UBXN2A: variants seen among roughly 807,000 people sequenced by gnomAD.
The protein encoded by UBXN2A is UBX domain-containing protein 2A.
A neutral mutation model predicts 28.4 loss-of-function variants in UBXN2A; 28 were observed. That is an observed-to-expected ratio of 0.99 (90% CI 0.73 to 1.35). UBXN2A has a LOEUF of 1.35. Ranked by LOEUF, UBXN2A falls within the 40% of genes most tolerant of loss-of-function variation. The probability of loss-of-function intolerance (pLI) is 0.00; values close to 1 mark genes in which losing one functional copy is unlikely to be tolerated. For synonymous variants in UBXN2A, 97 were observed against 103.6 expected (o/e 0.94, Z 0.39); for missense variants, 253 against 297.9 (o/e 0.85, Z 1.11).
chr2:23,982,613 C>T (rs1427677372), intron 4 of UBXN2A, among the ~76,000 whole-genome samples: 2 of 152,098 alleles, frequency 1.3e-5, no homozygotes, highest in East Asian at 3.9e-4. Context: ...CTGGACAAGA[C>T]CCTGTCTCTA....
intron 2 of UBXN2A, chr2:23,968,852 C>T (rs145222566): frequency 0.011 from 1,627 of 152,174 alleles, 18 homozygotes; most frequent in Middle Eastern, 0.036. Context: ...ACCATCTTTT[C>T]CTGGCAAACA....
intron 2 of UBXN2A, among the ~76,000 whole-genome samples, chr2:23,964,906 G>A (rs1707100224): frequency 6.6e-6 from 1 of 152,152 alleles, no homozygotes. Context: ...CACTGTGGGA[G>A]GCCAAAGCAG....
chr2:23,939,154 CA>C (rs1286952954), upstream of UBXN2A, among the ~76,000 whole-genome samples: 2 of 151,946 alleles, frequency 1.3e-5, no homozygotes, highest in Non-Finnish European at 2.9e-5. Context: ...ATTATTGCAA[CA>C]GGGGGGAAAA....
At chr2:23,933,235 G>A (rs1006132318) in intron 1 of UBXN2A, among the ~76,000 whole-genome samples, 1 of 152,172 alleles carries the variant, frequency 6.6e-6, no homozygotes, top group Non-Finnish European at 1.5e-5. Flanking sequence ...GGCCAAGCGT[G>A]GGGGCTTATG....
chr2:23,944,429 C>A, intron 1 of UBXN2A: 1 of 997,834 alleles, frequency 1.0e-6, no homozygotes, highest in African/African-American at 1.6e-5. Context: ...CTTATCTCCA[C>A]CCTGGGAAAA....
At chr2:23,949,685 G>C (rs901336178) in intron 1 of UBXN2A, among the ~76,000 whole-genome samples, 3 of 151,772 alleles carry the variant, frequency 2.0e-5, no homozygotes, top group African/African-American at 7.3e-5. Context: ...GACCAGCCTG[G>C]CCAATGTGGT....
intron 6 of UBXN2A, among the ~76,000 whole-genome samples, chr2:23,994,196 T>C (rs1708450738): frequency 6.6e-6 from 1 of 152,194 alleles, no homozygotes; most frequent in East Asian, 1.9e-4. Context: ...TTTTGAAAGA[T>C]ATTAAGTCTT....
chr2:23,982,810 A>C, intron 4 of UBXN2A, 86 bp from the exon 5 acceptor site: 1 of 1,363,920 alleles, frequency 7.3e-7, no homozygotes, highest in Non-Finnish European at 9.9e-7. Context: ...ATATTTCTAC[A>C]TATTCATTTT....
At chr2:23,932,223 CAGG>C (rs1289579227) in intron 1 of UBXN2A, among the ~76,000 whole-genome samples, 1 of 151,650 alleles carries the variant, frequency 6.6e-6, no homozygotes, top group African/African-American at 2.4e-5. Flanking sequence ...GAGGCCGAGG[CAGG>C]AGAATTGCTT....
chr2:23,975,087 A>G (rs920370843), intron 3 of UBXN2A, among the ~76,000 whole-genome samples: 6 of 152,144 alleles, frequency 3.9e-5, no homozygotes, highest in African/African-American at 9.6e-5. Flanking sequence ...AAATTTTTTT[A>G]TATAATTAAA....
chr2:23,950,098 A>G (rs1706291490), intron 1 of UBXN2A, among the ~76,000 whole-genome samples: 1 of 142,076 alleles, frequency 7.0e-6, no homozygotes, highest in Non-Finnish European at 1.5e-5. Flanking sequence ...AAGTCATGGT[A>G]CTTATCCTCA....
intron 1 of UBXN2A, among the ~76,000 whole-genome samples, chr2:23,930,885 G>A (rs1000545676): frequency 6.6e-6 from 1 of 152,018 alleles, no homozygotes; most frequent in African/African-American, 2.4e-5. Context: ...AAAAAAAGGA[G>A]GCCAGGCACA....
chr2:23,953,711 A>C (rs2150823973), intron 1 of UBXN2A, among the ~76,000 whole-genome samples: 1 of 152,324 alleles, frequency 6.6e-6, no homozygotes, highest in East Asian at 1.9e-4. Context: ...ATATGTGTTG[A>C]AGAAAATGGA....
intron 1 of UBXN2A, among the ~76,000 whole-genome samples, chr2:23,950,740 T>TA (rs1355484896): frequency 7.0e-6 from 1 of 142,844 alleles, no homozygotes; most frequent in Non-Finnish European, 1.5e-5. Flanking sequence ...GTTTTGCTCT[T>TA]ACGCCCAGGC....
chr2:23,951,619 C>T (rs1706377371), intron 1 of UBXN2A, among the ~76,000 whole-genome samples: 1 of 151,754 alleles, frequency 6.6e-6, no homozygotes. Flanking sequence ...TGCCACCATG[C>T]CCAGCTAATT....
Position 24,004,487 on chromosome 2 carries a change from A to G in UBXN2A, c.*4620A>G, listed in dbSNP as rs113362373. 17,046 of 152,078 alleles carry G rather than the reference A, an allele frequency of 0.11. 1,027 individuals carry two copies. Among genetic ancestry groups the G allele is most frequent in the Middle Eastern group, 0.18 (52 of 294 alleles). The allele number at this position is 152,078 out of a possible 1,614,324, so 9.4% of individuals were successfully genotyped here. A position where few individuals can be genotyped will look rare whatever the true frequency, so the allele number is the denominator to read the frequency against. ...TGGTCAACATGGGGAAACCCCGTCT[A>G]TACTAAAAATACAAAAATTAGCTGG... On this transcript the variant is annotated 3_prime_UTR_variant, in exon 7 of 7. Coordinates refer to ENST00000309033, the MANE Select transcript of UBXN2A (RefSeq NM_181713.4).
At chr2:23,966,910 A>G (rs1188360128) in intron 2 of UBXN2A, among the ~76,000 whole-genome samples, 7 of 151,320 alleles carry the variant, frequency 4.6e-5, no homozygotes, top group Non-Finnish European at 2.9e-5. Context: ...GGTGTGCACC[A>G]CCACGCCCAG....
intron 1 of UBXN2A, among the ~76,000 whole-genome samples, chr2:23,945,852 G>T (rs1706050853): frequency 6.7e-6 from 1 of 148,448 alleles, no homozygotes; most frequent in African/African-American, 2.5e-5. Context: ...TTGAGACAGG[G>T]TCTCACTCTG....
chr2:23,959,965 A>G (rs1230273974), intron 2 of UBXN2A, among the ~76,000 whole-genome samples: 1 of 152,100 alleles, frequency 6.6e-6, no homozygotes, highest in African/African-American at 2.4e-5. Context: ...CCAAGTTTGC[A>G]GGTGCGGCCG....
Sources: allele counts gnomAD v4.1 joint callset (sites outside exome capture counted in the v4.1 genomes callset), GRCh38; gene constraint gnomAD v4.1.1; transcripts MANE v1.5; gene names NCBI Gene and HGNC (gene_info 2026-07-23, HGNC 2026-07-21).